The following SYNE1 variants were observed in gnomAD, a reference collection of about 807,000 sequenced individuals.
SYNE1 encodes the protein nesprin-1.
SYNE1 carries 616 observed loss-of-function variants against 1,111.0 expected under a neutral mutation model. That is an observed-to-expected ratio of 0.55 (90% CI 0.52 to 0.59). The LOEUF is 0.59. Ranked by LOEUF, SYNE1 falls within the 20% of genes least tolerant of loss-of-function variation. The pLI, the probability that SYNE1 is intolerant of heterozygous loss-of-function variation, is 0.00. For missense variants in SYNE1, 10,006 were observed against 10,417.0 expected (o/e 0.96, Z 1.72); for synonymous variants, 3,855 against 3,825.8 (o/e 1.01, Z -0.28).
intron 38 of SYNE1, among the ~76,000 whole-genome samples, chr6:152,426,786 A>G (rs2098364696): frequency 6.6e-6 from 1 of 152,200 alleles, no homozygotes; most frequent in African/African-American, 2.4e-5. Context: ...TGTTTAATAA[A>G]CCAGAAAGGC....
At chr6:152,548,283 G>A (rs1401748973) in intron 3 of SYNE1, among the ~76,000 whole-genome samples, 1 of 152,190 alleles carries the variant, frequency 6.6e-6, no homozygotes, top group Non-Finnish European at 1.5e-5. Context: ...TGTGTGTCTA[G>A]GAAGAAGGCT....
chr6:152,581,332 A>G (rs529927009), intron 3 of SYNE1, among the ~76,000 whole-genome samples: 2 of 152,310 alleles, frequency 1.3e-5, no homozygotes, highest in African/African-American at 4.8e-5. Context: ...TGTACCTCAA[A>G]TCAAATGACC....
rs1227231335 is a variant in SYNE1, at chr6:152,363,412, T to C, written c.10146-1089A>G. Among the ~76,000 whole-genome samples the C allele has an allele frequency of 7.3e-5, 11 of 150,592 alleles. No individual in the cohort carries two copies. In the East Asian group the frequency reaches 1.2e-3, roughly 17 times the overall value. On this transcript the variant is annotated intron_variant, in intron 63 of 145. Coordinates refer to ENST00000367255, the MANE Select transcript of SYNE1 (RefSeq NM_182961.4). ...GAGAGGCTGAGGCAGGAGAATGGCG[T>C]GAACCCGGGAGGCGGAGCTCGCAGT...
At chr6:152,425,331 C>G (rs1437160516) in intron 39 of SYNE1, 50 bp downstream of exon 39, 2 of 1,581,824 alleles carry the variant, frequency 1.3e-6, no homozygotes, top group African/African-American at 2.7e-5. Flanking sequence ...ATATGCTCAT[C>G]ATTTAAAAAC....
intron 130 of SYNE1, among the ~76,000 whole-genome samples, chr6:152,172,265 T>C (rs2065398554): frequency 6.6e-6 from 1 of 152,154 alleles, no homozygotes; most frequent in South Asian, 2.1e-4. Context: ...ATTGGAGTAA[T>C]AGATGCATAG....
chr6:152,352,259 G>C lies in SYNE1; in HGVS notation c.11348C>G (p.Ala3783Gly). ...RAVKYLEEGE[A>G]ERLRKEIHDH... is the part of the protein sequence containing the mutation. ...ATGAATCTCCTTTCTTAACCTCTCTGCCTCGCCTTCCTCCAAGTATTTAAC... is the reference window on the plus strand; with the variant it reads ...ATGAATCTCCTTTCTTAACCTCTCTCCCTCGCCTTCCTCCAAGTATTTAAC... The change falls in exon 70 of 146, where the codon GCA becomes GGA. Residue 3783 changes from alanine (A) to glycine (G), a missense_variant. Around this residue, in one of 7 missense-constraint regions of SYNE1, gnomAD observed 4,955 missense variants for 5,017.2 expected, o/e 0.99. Transcript: ENST00000367255. 1 of 1,614,030 alleles carries C rather than the reference G, an allele frequency of 6.2e-7. No homozygotes were observed. Among genetic ancestry groups the C allele is most frequent in the South Asian group, 1.1e-5 (1 of 91,076 alleles).
At chr6:152,343,677 T>G (rs1267044591) in intron 74 of SYNE1, among the ~76,000 whole-genome samples, 3 of 151,926 alleles carry the variant, frequency 2.0e-5, no homozygotes, top group African/African-American at 7.3e-5. Flanking sequence ...GTAGGTACCC[T>G]GCTACCTCAA....
intron 78 of SYNE1, 113 bp downstream of exon 78, chr6:152,329,617 T>C (rs2096194536): frequency 7.4e-7 from 1 of 1,342,902 alleles, no homozygotes; most frequent in Non-Finnish European, 1.1e-6. Flanking sequence ...TTCTGTGTAG[T>C]ATTTCGAAAG....
In SYNE1 at chr6:152,242,316, T is replaced by A; in HGVS notation, c.19817A>T (p.Gln6606Leu). 6.2e-7 allele frequency: 1 copy of A among 1,614,166 alleles called. No homozygotes were observed. The highest frequency in any genetic ancestry group is 8.5e-7 in the Non-Finnish European group (1 of 1,180,034). Residue 6606 changes from glutamine (Q) to leucine (L), a missense_variant, in exon 107 of 146, where the codon CAG (glutamine) becomes CTG (leucine). This residue lies in a region of SYNE1 where 2,182 missense variants were observed against 2,287.8 expected (regional missense o/e 0.95). Coordinates refer to ENST00000367255, the MANE Select transcript of SYNE1 (RefSeq NM_182961.4). ...TTTCTGGTCTCCTGCCATCTTCTCCTGACCAGTTTCTAGCAGGTCAGCCAG... is the reference window on the plus strand; with the variant it reads ...TTTCTGGTCTCCTGCCATCTTCTCCAGACCAGTTTCTAGCAGGTCAGCCAG... ...QDLADLLETG[Q>L]EKMAGDQKII...
At position 152,410,393 on chromosome 6, in the gene SYNE1, CTT is replaced by C. The variant is rs200708827; in HGVS notation, c.6231-686_6231-685del. ...CTCTGGGAATATTGGAAGCTGTAGG[CTT>C]TTTTTTTTTTTTAAACAAACAAACA... On this transcript the variant is annotated intron_variant, in intron 42 of 145. Transcript: ENST00000367255. 5.3e-4 allele frequency: 74 copies of C among 140,858 alleles called. No homozygotes were observed. In the East Asian group the frequency reaches 5.4e-3, roughly 10 times the overall value. 8.7% of individuals were successfully genotyped at this position (140,858 alleles called of 1,614,324 possible).
Position 152,444,399 on chromosome 6 carries a change from A to T in SYNE1, c.3837+12T>A. On this transcript the variant is annotated intron_variant, in intron 30 of 145. Transcript: ENST00000367255. ...TTTACATAATCTTGTTGGAAGAAAG[A>T]GGCATTTTTACCTGGTGATGAAGAA... is the stretch of plus-strand genomic sequence containing the variant. 6.2e-7 allele frequency: 1 copy of T among 1,613,316 alleles called. No individual in the cohort carries two copies. Among genetic ancestry groups the T allele is most frequent in the Non-Finnish European group, 8.5e-7 (1 of 1,179,638 alleles).
intron 126 of SYNE1, among the ~76,000 whole-genome samples, chr6:152,205,245 T>C (rs1159941121): frequency 6.6e-6 from 1 of 152,160 alleles, no homozygotes; most frequent in Non-Finnish European, 1.5e-5. Context: ...CACTGAAGTG[T>C]TGGTGATTAT....
chr6:152,634,790 C>T (rs2099703481), intron 2 of SYNE1, among the ~76,000 whole-genome samples: 1 of 152,216 alleles, frequency 6.6e-6, no homozygotes, highest in Non-Finnish European at 1.5e-5. Flanking sequence ...AAGACATCTG[C>T]AACCTTCTTT....
At chr6:152,415,846 A>G (rs949450580) in intron 41 of SYNE1, among the ~76,000 whole-genome samples, 2 of 150,134 alleles carry the variant, frequency 1.3e-5, no homozygotes, top group Admixed American at 6.6e-5. Context: ...TAAATATGGT[A>G]CTATCAACCA....
At chr6:152,634,435 G>C (rs956684651) in intron 2 of SYNE1, among the ~76,000 whole-genome samples, 3 of 152,148 alleles carry the variant, frequency 2.0e-5, no homozygotes, top group African/African-American at 7.2e-5. Context: ...GCTGAAGAGA[G>C]TTCACATACT....
chr6:152,283,798 G>A (rs778172620), intron 96 of SYNE1, among the ~76,000 whole-genome samples, 180 bp downstream of exon 96: 3 of 152,176 alleles, frequency 2.0e-5, no homozygotes, highest in Non-Finnish European at 4.4e-5. Context: ...GCCTCCCAAA[G>A]TGCTGGGATT....
At chr6:152,580,109 G>A (rs187766521) in intron 3 of SYNE1, among the ~76,000 whole-genome samples, 156 of 152,288 alleles carry the variant, frequency 1.0e-3, no homozygotes, top group Non-Finnish European at 1.7e-3. Context: ...CACAGTGGCT[G>A]AACTGATTTA....
chr6:152,249,848 A>C (rs1415279251), intron 104 of SYNE1, among the ~76,000 whole-genome samples: 1 of 152,214 alleles, frequency 6.6e-6, no homozygotes, highest in Non-Finnish European at 1.5e-5. Context: ...TTTGTTCAAA[A>C]ATATTACTCA....
Position 152,208,192 on chromosome 6 carries a change from A to T in SYNE1, c.22604T>A (p.Leu7535Gln). ...TTGATTACTGAGGAGTGTCAATTTC[A>T]GGTTGAATTCATCCCTAGTGAAGAA... ...GQVDDRDEFN[L>Q]KLTLLSNQWQ... The change falls in exon 125 of 146, where the codon CTG becomes CAG. Residue 7535 changes from leucine (L) to glutamine (Q), a missense_variant. Leu to Gln is a moderately radical substitution (Grantham distance 113). This residue lies in a region of SYNE1 where 2,182 missense variants were observed against 2,287.8 expected (regional missense o/e 0.95). Coordinates refer to ENST00000367255, the MANE Select transcript of SYNE1 (RefSeq NM_182961.4). 1.9e-6 allele frequency: 3 copies of T among 1,613,960 alleles called. No individual in the cohort carries two copies. Among genetic ancestry groups the T allele is most frequent in the Non-Finnish European group, 2.5e-6 (3 of 1,179,960 alleles).
Sources: gnomAD v4.1 joint callset for allele counts (sites outside exome capture counted in the v4.1 genomes callset) on GRCh38, gnomAD v4.1.1 for gene constraint, gnomAD v4.1.1 regional missense constraint, MANE v1.5 for transcripts, NCBI Gene and HGNC (gene_info 2026-07-23, HGNC 2026-07-21) for gene names.